The following ANKRD44 variants were observed in gnomAD, a reference collection of about 807,000 sequenced individuals.
ANKRD44 encodes the protein ankyrin repeat domain 44.
In ANKRD44, 35 loss-of-function variants were observed where a neutral mutation model predicts 116.0. The observed-to-expected ratio is 0.30, with a 90% CI of 0.23 to 0.40. The LOEUF is 0.40. ANKRD44 is among the 10% of genes least tolerant of loss of function. ANKRD44 has a pLI of 1.00. For synonymous variants in ANKRD44, 435 were observed against 461.8 expected (o/e 0.94, Z 0.74); for missense variants, 1,014 against 1,242.6 (o/e 0.82, Z 2.77).
chr2:197,020,482 C>A (rs1307893954), intron 17 of ANKRD44, among the ~76,000 whole-genome samples: 1 of 152,170 alleles, frequency 6.6e-6, no homozygotes, highest in East Asian at 1.9e-4. Context: ...AATACACTAA[C>A]ACTAATGATA....
chr2:197,138,745 T>G (rs1461342996), intron 3 of ANKRD44, among the ~76,000 whole-genome samples: 1 of 152,190 alleles, frequency 6.6e-6, no homozygotes, highest in Non-Finnish European at 1.5e-5. Context: ...GCACATGTAT[T>G]TCTTATTTTG....
At chr2:197,298,957 T>C (rs2083811267) in intron 1 of ANKRD44, among the ~76,000 whole-genome samples, 1 of 152,234 alleles carries the variant, frequency 6.6e-6, no homozygotes, top group East Asian at 1.9e-4. Flanking sequence ...TAGAGTTTTA[T>C]AGTTTCTAGT....
At chr2:197,112,476 G>A (rs1448639397) in intron 8 of ANKRD44, among the ~76,000 whole-genome samples, 4 of 152,104 alleles carry the variant, frequency 2.6e-5, no homozygotes, top group African/African-American at 4.8e-5. Flanking sequence ...TTGGGAGGCC[G>A]AGGCGGGAGG....
Position 196,998,348 on chromosome 2 carries a change from C to A in ANKRD44, c.2737G>T (p.Ala913Ser), listed in dbSNP as rs767880771. The A allele has an allele frequency of 1.9e-6, 3 of 1,612,058 alleles. No homozygotes were observed. The highest frequency in any genetic ancestry group is 2.5e-6 in the Non-Finnish European group (3 of 1,178,632). Residue 913 changes from alanine to serine, a missense_variant, in exon 25 of 28, where the codon GCT (alanine) becomes TCT (serine). Transcript: ENST00000282272. The stretch of plus-strand genomic sequence containing the variant: ...ATTCATTTACATACTTTACTACAAG[C>A]CAAATGTAAGGGTGTATTCAAGTCC... The part of the protein sequence containing the change: ...DKDLNTPLHL[A>S]CSKGHEKCAL...
chr2:197,068,370 TAAAA>T (rs1190741958), intron 16 of ANKRD44, among the ~76,000 whole-genome samples: 1 of 70,352 alleles, frequency 1.4e-5, no homozygotes, highest in Non-Finnish European at 3.3e-5. Context: ...ATAAAAAAAA[TAAAA>T]AAAAGAAAAA....
At chr2:197,224,248 A>T (rs1049910541) in intron 1 of ANKRD44, among the ~76,000 whole-genome samples, 1 of 152,236 alleles carries the variant, frequency 6.6e-6, no homozygotes, top group Admixed American at 6.5e-5. Context: ...CACTCAGATT[A>T]AAAAAGTTAA....
chr2:197,119,881 G>A (rs577475902), intron 8 of ANKRD44, among the ~76,000 whole-genome samples: 8 of 152,242 alleles, frequency 5.3e-5, no homozygotes, highest in African/African-American at 1.4e-4. Context: ...TGAATGCTGC[G>A]TGATAAGCTC....
At chr2:197,163,116 T>G (rs2080011136) in intron 2 of ANKRD44, among the ~76,000 whole-genome samples, 1 of 152,230 alleles carries the variant, frequency 6.6e-6, no homozygotes, top group Non-Finnish European at 1.5e-5. Context: ...GTTTCAAAGC[T>G]GTTTGACCAT....
At chr2:197,238,654 G>C (rs2082024923) in intron 1 of ANKRD44, among the ~76,000 whole-genome samples, 1 of 151,864 alleles carries the variant, frequency 6.6e-6, no homozygotes, top group South Asian at 2.1e-4. Context: ...AGTTACCCAG[G>C]ACTGGTATGG....
intron 16 of ANKRD44, among the ~76,000 whole-genome samples, chr2:197,069,307 G>T (rs577875922): frequency 6.6e-6 from 1 of 152,104 alleles, no homozygotes; most frequent in Non-Finnish European, 1.5e-5. Flanking sequence ...TGTGGGGTGG[G>T]GGGAGTGGGG....
rs375481948 is a variant in ANKRD44 at position 197,256,637 on chromosome 2, C to T, written c.27+53941G>A. ...TTTTAAAAAATACACTTCTAAGATT[C>T]TTTCCCAAGAAGGCTTCATGTATAT... is the stretch of plus-strand genomic sequence containing the variant. On this transcript the variant is annotated intron_variant, in intron 1 of 27. Coordinates refer to ENST00000282272, the MANE Select transcript of ANKRD44 (RefSeq NM_001195144.2). 1.2e-4 allele frequency among the ~76,000 whole-genome samples: 19 copies of T among 152,292 alleles called. No individual in the cohort carries two copies. In the East Asian group the frequency reaches 2.3e-3, roughly 19 times the overall value.
chr2:197,099,159 T>C (rs1351536719), intron 10 of ANKRD44, among the ~76,000 whole-genome samples: 6 of 152,158 alleles, frequency 3.9e-5, no homozygotes, highest in African/African-American at 1.4e-4. Context: ...CCTCCCTGTC[T>C]ATATTCTGTG....
At chr2:197,099,065 T>C (rs2078230199) in intron 10 of ANKRD44, among the ~76,000 whole-genome samples, 2 of 152,136 alleles carry the variant, frequency 1.3e-5, no homozygotes, top group African/African-American at 4.8e-5. Flanking sequence ...TGTACTCAGA[T>C]AATTCTCAGC....
intron 5 of ANKRD44, 118 bp downstream of exon 5, chr2:197,125,719 G>T (rs2078959599): frequency 1.7e-6 from 2 of 1,187,396 alleles, no homozygotes; most frequent in Non-Finnish European, 2.4e-6. Context: ...GATGCTGAAG[G>T]TTTGGTGTAC....
At chr2:197,090,186 T>C (rs1293095413) in intron 10 of ANKRD44, among the ~76,000 whole-genome samples, 154 bp from the exon 11 acceptor site, 2 of 152,160 alleles carry the variant, frequency 1.3e-5, no homozygotes, top group Non-Finnish European at 2.9e-5. Context: ...ATTCAATAAA[T>C]AATTATGCAA....
chr2:197,153,956 C>T (rs2079732305), intron 2 of ANKRD44, among the ~76,000 whole-genome samples: 1 of 151,870 alleles, frequency 6.6e-6, no homozygotes, highest in African/African-American at 2.4e-5. Flanking sequence ...CAGTGTACAC[C>T]TTTGTACATG....
At chr2:197,159,081 G>C (rs1341841210) in intron 2 of ANKRD44, among the ~76,000 whole-genome samples, 1 of 152,062 alleles carries the variant, frequency 6.6e-6, no homozygotes. Flanking sequence ...ATGCTCAAAG[G>C]CATCTGCTCT....
intron 1 of ANKRD44, among the ~76,000 whole-genome samples, chr2:197,222,894 C>A (rs1220041426): frequency 1.3e-5 from 2 of 151,816 alleles, no homozygotes; most frequent in Admixed American, 6.6e-5. Context: ...CTCCCTGCAA[C>A]CTCCACCTCT....
intron 21 of ANKRD44, among the ~76,000 whole-genome samples, chr2:196,976,767 T>C (rs4524134): frequency 0.6 from 91,018 of 151,910 alleles, 30,210 homozygotes; most frequent in East Asian, 0.82. Context: ...CTTGGGTGGC[T>C]GAAGCCAGAA....
Sources: gnomAD v4.1 joint callset for allele counts (sites outside exome capture counted in the v4.1 genomes callset) on GRCh38, gnomAD v4.1.1 for gene constraint, MANE v1.5 for transcripts, NCBI Gene and HGNC (gene_info 2026-07-23, HGNC 2026-07-21) for gene names.